The following KHDRBS2 variants were observed in gnomAD, a reference collection of about 807,000 sequenced individuals.
KHDRBS2 encodes the protein KH RNA binding domain containing, signal transduction associated 2, also known as KH domain-containing, RNA-binding, signal transduction-associated protein 2.
In KHDRBS2, 26 loss-of-function variants were observed where a neutral mutation model predicts 44.3. The observed-to-expected ratio is 0.59, with a 90% CI of 0.43 to 0.81. The LOEUF is 0.81. Ranked by LOEUF, KHDRBS2 falls within the 40% of genes least tolerant of loss-of-function variation. The probability of loss-of-function intolerance (pLI) is 0.00; values close to 1 mark genes in which losing one functional copy is unlikely to be tolerated. For missense variants in KHDRBS2, 476 were observed against 433.1 expected (o/e 1.10, Z -0.88); for synonymous variants, 194 against 151.1 (o/e 1.28, Z -2.08).
At chr6:62,040,022 C>T (rs772664829) in intron 3 of KHDRBS2, among the ~76,000 whole-genome samples, 24 of 152,020 alleles carry the variant, frequency 1.6e-4, no homozygotes, top group Non-Finnish European at 3.2e-4. Flanking sequence ...TAAACTAGAG[C>T]TTTCTATTTT....
intron 6 of KHDRBS2, among the ~76,000 whole-genome samples, chr6:61,807,147 TGGC>T (rs1426913520): frequency 6.6e-6 from 1 of 152,078 alleles, no homozygotes; most frequent in African/African-American, 2.4e-5. Flanking sequence ...TAAGTCAGAA[TGGC>T]TATTACTAAA....
At chr6:61,585,788 A>T in the KHDRBS2 span, among the ~76,000 whole-genome samples, 4 of 152,138 alleles carry the variant, frequency 2.6e-5, no homozygotes, top group East Asian at 7.7e-4. Context: ...CTTCAGGTTG[A>T]TACCAAGGGC....
At chr6:61,587,219 T>C in the KHDRBS2 span, among the ~76,000 whole-genome samples, 2 of 152,174 alleles carry the variant, frequency 1.3e-5, no homozygotes. Context: ...ACTTAGCAGA[T>C]ACTTCTTTTG....
the KHDRBS2 span, among the ~76,000 whole-genome samples, chr6:61,575,936 A>G: frequency 6.6e-6 from 1 of 152,132 alleles, no homozygotes; most frequent in African/African-American, 2.4e-5. Context: ...GATATAATGA[A>G]CTTTGGCGAA....
chr6:62,097,757 T>C (rs1800938641), intron 2 of KHDRBS2, among the ~76,000 whole-genome samples: 1 of 152,128 alleles, frequency 6.6e-6, no homozygotes, highest in South Asian at 2.1e-4. Context: ...TACTGCTATT[T>C]TGTTATTTGT....
intron 1 of KHDRBS2, among the ~76,000 whole-genome samples, chr6:62,216,769 C>A (rs1333991836): frequency 6.8e-6 from 1 of 147,484 alleles, no homozygotes; most frequent in Non-Finnish European, 1.5e-5. Flanking sequence ...TTCAAGTAGA[C>A]CAGGATAGAC....
At chr6:61,926,946 T>C (rs1408888955) in intron 4 of KHDRBS2, among the ~76,000 whole-genome samples, 2 of 151,904 alleles carry the variant, frequency 1.3e-5, no homozygotes, top group Non-Finnish European at 2.9e-5. Context: ...TTGGGGAAGA[T>C]TTCAAATAAA....
intron 2 of KHDRBS2, among the ~76,000 whole-genome samples, chr6:62,088,011 C>T (rs1306105150): frequency 2.0e-5 from 3 of 152,106 alleles, no homozygotes; most frequent in Non-Finnish European, 2.9e-5. Flanking sequence ...GTATGCTTCA[C>T]GAAGTTCTCA....
At chr6:61,988,638 G>C (rs558803626) in intron 3 of KHDRBS2, among the ~76,000 whole-genome samples, 1 of 152,294 alleles carries the variant, frequency 6.6e-6, no homozygotes, top group South Asian at 2.1e-4. Context: ...AAGTGTACTA[G>C]TTCTCCCTGA....
chr6:61,845,766 C>T (rs1794320878), intron 6 of KHDRBS2, among the ~76,000 whole-genome samples: 1 of 152,188 alleles, frequency 6.6e-6, no homozygotes, highest in Non-Finnish European at 1.5e-5. Flanking sequence ...ACCATTCTTT[C>T]CAAAGAACAG....
chr6:62,195,632 A>G (rs1167740143), intron 1 of KHDRBS2, among the ~76,000 whole-genome samples: 1 of 152,120 alleles, frequency 6.6e-6, no homozygotes, highest in African/African-American at 2.4e-5. Flanking sequence ...CTCTTTTCTG[A>G]GCTAAGGAAT....
the KHDRBS2 span, among the ~76,000 whole-genome samples, chr6:61,592,326 T>C: frequency 6.6e-6 from 1 of 152,170 alleles, no homozygotes; most frequent in Non-Finnish European, 1.5e-5. Context: ...TTATATCATC[T>C]TGAGGTTACA....
At chr6:61,651,719 A>G in the KHDRBS2 span, among the ~76,000 whole-genome samples, 2 of 152,110 alleles carry the variant, frequency 1.3e-5, no homozygotes, top group South Asian at 4.1e-4. Flanking sequence ...TAATAACCAC[A>G]GTCAATACTT....
At chr6:61,597,149 A>G in the KHDRBS2 span, among the ~76,000 whole-genome samples, 1 of 152,216 alleles carries the variant, frequency 6.6e-6, no homozygotes, top group Non-Finnish European at 1.5e-5. Context: ...GTTTAAGTCA[A>G]TATCTTTCTC....
chr6:61,644,750 TAAAG>T, the KHDRBS2 span, among the ~76,000 whole-genome samples: 1 of 151,932 alleles, frequency 6.6e-6, no homozygotes, highest in East Asian at 1.9e-4. Context: ...ATCAAAAAAA[TAAAG>T]AGATACCATC....
chr6:61,721,479 T>C (rs1337510376), intron 7 of KHDRBS2, among the ~76,000 whole-genome samples: 1 of 147,424 alleles, frequency 6.8e-6, no homozygotes, highest in East Asian at 2.0e-4. Context: ...TAGTTCTCCT[T>C]GAAGAGGTCC....
At chr6:61,861,427 C>T (rs1451700147) in intron 6 of KHDRBS2, among the ~76,000 whole-genome samples, 3 of 152,106 alleles carry the variant, frequency 2.0e-5, no homozygotes, top group African/African-American at 7.2e-5. Flanking sequence ...CAATTTTCTG[C>T]ATATGGCTAG....
chr6:61,870,706 C>G (rs1798537624), intron 6 of KHDRBS2, among the ~76,000 whole-genome samples: 1 of 152,188 alleles, frequency 6.6e-6, no homozygotes, highest in African/African-American at 2.4e-5. Context: ...CTGTTCTCAG[C>G]TTCTGCTGGT....
At chr6:61,657,370 C>A in the KHDRBS2 span, among the ~76,000 whole-genome samples, 1 of 151,960 alleles carries the variant, frequency 6.6e-6, no homozygotes, top group Non-Finnish European at 1.5e-5. Flanking sequence ...TTCTTATTTT[C>A]ACCCTATGAA....
Sources: gnomAD v4.1 joint callset for allele counts (sites outside exome capture counted in the v4.1 genomes callset) on GRCh38, gnomAD v4.1.1 for gene constraint, MANE v1.5 for transcripts, NCBI Gene and HGNC (gene_info 2026-07-23, HGNC 2026-07-21) for gene names.